Variants in GSTM2 observed in about 807,000 individuals in gnomAD.
GSTM2 encodes GST class-mu 2.
A neutral mutation model predicts 33.3 loss-of-function variants in GSTM2; 33 were observed. The ratio of observed to expected loss-of-function variants is 0.99; its 90% CI spans 0.75 to 1.33. GSTM2 has a LOEUF of 1.33. Among genes scored for constraint, GSTM2 ranks in the 40% most tolerant of loss-of-function variants. GSTM2 has a pLI of 0.00. For synonymous variants in GSTM2, 93 were observed against 95.6 expected (o/e 0.97, Z 0.16); for missense variants, 213 against 265.8 (o/e 0.80, Z 1.38).
At chr1:109,668,527 T>G in intron 2 of GSTM2, 27 bp downstream of exon 2, 1 of 1,607,960 alleles carries the variant, frequency 6.2e-7, no homozygotes, top group Non-Finnish European at 8.5e-7. Flanking sequence ...GTCTGGGCCC[T>G]GCCCCCTCAC....
chr1:109,671,388 G>A lies in GSTM2; in HGVS notation c.456+6G>A, dbSNP rs1388810124. ...CATGGTTTCTTGGGGACAAGGTAAT[G>A]GGGGCGTGTGATGGGGACACCACAG... On this transcript the variant is annotated splice_donor_region_variant and intron_variant, in intron 6 of 7. Transcript: ENST00000241337. The A allele has an allele frequency of 6.2e-7, 1 of 1,606,878 alleles. No homozygotes were observed. The highest frequency in any genetic ancestry group is 1.7e-5 in the Admixed American group (1 of 60,022).
chr1:109,669,898 T>G, intron 5 of GSTM2: 1 of 285,704 alleles, frequency 3.5e-6, no homozygotes. Context: ...TTATTCCTCT[T>G]GGTGGGTTCA....
chr1:109,676,649 C>A (rs1647712136), downstream of GSTM2, among the ~76,000 whole-genome samples: 1 of 152,188 alleles, frequency 6.6e-6, no homozygotes, highest in East Asian at 1.9e-4. Flanking sequence ...CTCTGCCTGG[C>A]TATATCTTTT....
intron 6 of GSTM2, 38 bp from the exon 7 acceptor site, chr1:109,671,435 A>T (rs372168425): frequency 1.3e-6 from 2 of 1,567,634 alleles, no homozygotes; most frequent in East Asian, 2.2e-5. Flanking sequence ...TTCCTATATT[A>T]TGGAGGTTTC....
At position 109,673,451 on chromosome 1, in the gene GSTM2, C is replaced by G. The variant is rs926556896; in HGVS notation, c.568-1296C>G. Reference sequence around the variant, plus strand: ...GGCATTTGTCCAACAGGCTTCTGAGCCTTGAATCTGTTTCCCTTTTCCACT... The same window carrying G: ...GGCATTTGTCCAACAGGCTTCTGAGGCTTGAATCTGTTTCCCTTTTCCACT... On this transcript the variant is annotated intron_variant, in intron 7 of 7. Transcript: ENST00000241337. 1.7e-5 allele frequency: 10 copies of G among 605,616 alleles called. No homozygotes were observed. The African/African-American group carries it at 1.9e-4, about 11-fold the overall frequency. The allele number at this position is 605,616 out of a possible 1,614,324, so 37.5% of individuals were successfully genotyped here.
intron 4 of GSTM2, 48 bp downstream of exon 4, chr1:109,669,419 C>T (rs1488333417): frequency 1.2e-6 from 2 of 1,612,928 alleles, no homozygotes; most frequent in African/African-American, 2.7e-5. Flanking sequence ...TGGCCTCCTC[C>T]TCGGCTTGGC....
At position 109,682,520 on chromosome 1, in the gene GSTM2, G is replaced by A. The variant is rs935238450; in HGVS notation, c.567+10937G>A. Among the ~76,000 whole-genome samples, 15 of 111,832 alleles carry A rather than the reference G, an allele frequency of 1.3e-4. 1 individual carries two copies. The South Asian group carries it at 1.7e-3, about 13-fold the overall frequency. 73.4% of individuals were successfully genotyped at this position (111,832 alleles called of 152,430 possible). A position where few individuals can be genotyped will look rare whatever the true frequency, so the allele number is the denominator to read the frequency against. On this transcript the variant is annotated intron_variant, in intron 7 of 7. Transcript: ENST00000369831. The stretch of plus-strand genomic sequence containing the variant: ...CTCCCAAAGTGTGGGGATTACAGGC[G>A]TGTAGTTACCTAACTTTTAACAGAA...
At chr1:109,677,689 T>C (rs1257683996), downstream of GSTM2, among the ~76,000 whole-genome samples, 1 of 152,172 alleles carries the variant, frequency 6.6e-6, no homozygotes, top group Non-Finnish European at 1.5e-5. Flanking sequence ...TGGAGTGCTG[T>C]AAGTTTTCTC....
chr1:109,673,317 C>T, intron 7 of GSTM2: 1 of 1,571,680 alleles, frequency 6.4e-7, no homozygotes. Flanking sequence ...ACAGCCCCAT[C>T]CTGGAAATGA....
At chr1:109,677,570 C>A (rs1395953778), downstream of GSTM2, among the ~76,000 whole-genome samples, 3 of 152,218 alleles carry the variant, frequency 2.0e-5, no homozygotes, top group East Asian at 1.9e-4. Flanking sequence ...CACACAATCT[C>A]ATTCCACTTA....
chr1:109,671,167 C>T, intron 5 of GSTM2, 120 bp from the exon 6 acceptor site: 1 of 725,392 alleles, frequency 1.4e-6, no homozygotes, highest in Non-Finnish European at 2.5e-6. Context: ...TGACCCAGTT[C>T]CAGCTGTGGG....
intron 7 of GSTM2, among the ~76,000 whole-genome samples, chr1:109,672,964 G>C (rs1192596407): frequency 6.6e-6 from 1 of 151,792 alleles, no homozygotes; most frequent in African/African-American, 2.4e-5. Flanking sequence ...CTGTCTCCTG[G>C]GTTCAAGTGA....
In GSTM2 at chr1:109,669,316, C is replaced by A. The variant is rs1570627237; in HGVS notation, c.204C>A (p.His68Gln). Residue 68 changes from histidine to glutamine, a missense_variant, in exon 4 of 8, where the codon CAC (histidine) becomes CAA (glutamine). Physicochemically the swap from His to Gln is conservative, Grantham distance 24. Transcript: ENST00000241337. ...PNLPYLIDGTHKITQSNAILR... is the reference protein window; with the variant it reads ...PNLPYLIDGTQKITQSNAILR... ...TGCCCTACTTGATTGATGGGACTCA[C>A]AAGATCACCCAGAGCAACGCCATCC... 1.2e-6 allele frequency: 2 copies of A among 1,614,196 alleles called. No individual in the cohort carries two copies. The highest frequency in any genetic ancestry group is 1.7e-6 in the Non-Finnish European group (2 of 1,180,032).
downstream of GSTM2, among the ~76,000 whole-genome samples, chr1:109,678,054 C>T (rs973794229): frequency 6.6e-6 from 1 of 152,168 alleles, no homozygotes; most frequent in African/African-American, 2.4e-5. Flanking sequence ...ATTTCAAATT[C>T]TCTTTAGATT....
intron 2 of GSTM2, 136 bp downstream of exon 2, chr1:109,668,636 G>A: frequency 1.9e-6 from 2 of 1,053,198 alleles, no homozygotes; most frequent in Non-Finnish European, 2.9e-6. Context: ...GAGCCCTGGT[G>A]AGGGAGCTCC....
rs1390806365 is a variant in GSTM2 at position 109,671,949 on chromosome 1, T to C, written c.567+366T>C. 5.0e-5 allele frequency among the ~76,000 whole-genome samples: 6 copies of C among 118,982 alleles called. No homozygotes were observed. In the Admixed American group the frequency reaches 5.2e-4, roughly 10 times the overall value. 78.1% of individuals were successfully genotyped at this position (118,982 alleles called of 152,430 possible). A position where few individuals can be genotyped will look rare whatever the true frequency, so the allele number is the denominator to read the frequency against. ...TCGTGCCACTGCATTCCAGCCTGTATGACAGAGTGTGACTCCATCTCAAGA... is the reference window on the plus strand; with the variant it reads ...TCGTGCCACTGCATTCCAGCCTGTACGACAGAGTGTGACTCCATCTCAAGA... On this transcript the variant is annotated intron_variant, in intron 7 of 7. Coordinates refer to ENST00000241337, the MANE Select transcript of GSTM2 (RefSeq NM_000848.4).
chr1:109,678,243 C>T (rs891427935), downstream of GSTM2, among the ~76,000 whole-genome samples: 6 of 152,158 alleles, frequency 3.9e-5, no homozygotes, highest in Non-Finnish European at 7.3e-5. Context: ...CTCCTGGGTT[C>T]AAGCGATTCT....
At chr1:109,669,088 T>G (rs550297391) in intron 3 of GSTM2, 99 bp downstream of exon 3, 2 of 1,386,238 alleles carry the variant, frequency 1.4e-6, no homozygotes, top group African/African-American at 2.9e-5. Flanking sequence ...AGGAGTCTTC[T>G]GCCCAATTCC....
downstream of GSTM2, among the ~76,000 whole-genome samples, chr1:109,676,812 T>C (rs149573973): frequency 7.0e-3 from 1,064 of 152,328 alleles, 13 homozygotes; most frequent in African/African-American, 0.024. Context: ...GCATTGCCTC[T>C]TGTTGAAGTA....
Sources: gnomAD v4.1 joint callset for allele counts (sites outside exome capture counted in the v4.1 genomes callset) on GRCh38, gnomAD v4.1.1 for gene constraint, MANE v1.5 for transcripts, NCBI Gene and HGNC (gene_info 2026-07-23, HGNC 2026-07-21) for gene names.